The following KLF12 variants were observed in gnomAD, a reference collection of about 807,000 sequenced individuals.
KLF12 encodes Krueppel-like factor 12.
Under a neutral mutation model 37.8 loss-of-function variants are expected in KLF12, and 9 were observed. The observed-to-expected ratio is 0.24, with a 90% CI of 0.14 to 0.42. The LOEUF is 0.42. KLF12 is among the 10% of genes least tolerant of loss of function. The pLI is 1.00. For synonymous variants in KLF12, 208 were observed against 202.1 expected, an observed-to-expected ratio of 1.03 and a Z score of -0.25; for missense variants, 411 against 516.0, an observed-to-expected ratio of 0.80 and a Z score of 1.97.
chr13:73,803,742 GT>G (rs1306353255), intron 5 of KLF12, among the ~76,000 whole-genome samples: 1 of 149,428 alleles, frequency 6.7e-6, no homozygotes, highest in Non-Finnish European at 1.5e-5. Flanking sequence ...CATGTTATCT[GT>G]CCTCTGAGCA....
At chr13:73,706,103 G>T (rs1205451933) in intron 7 of KLF12, among the ~76,000 whole-genome samples, 1 of 152,176 alleles carries the variant, frequency 6.6e-6, no homozygotes, top group African/African-American at 2.4e-5. Flanking sequence ...AGTGAGCCGA[G>T]ATCGTGCCAC....
chr13:73,886,729 C>T (rs1455391147), intron 3 of KLF12, among the ~76,000 whole-genome samples: 1 of 152,148 alleles, frequency 6.6e-6, no homozygotes, highest in Non-Finnish European at 1.5e-5. Flanking sequence ...CGGTGGCTCA[C>T]GCCTGTAATC....
chr13:74,238,283 A>T, the KLF12 span, among the ~76,000 whole-genome samples: 1 of 128,326 alleles, frequency 7.8e-6, no homozygotes. Context: ...CATCCCAGGG[A>T]TGAAGCCCAC....
the KLF12 span, among the ~76,000 whole-genome samples, chr13:74,291,038 C>G: frequency 6.6e-6 from 1 of 152,144 alleles, no homozygotes; most frequent in Non-Finnish European, 1.5e-5. Context: ...TTTTTTGCCC[C>G]AGTGAGCAGA....
At chr13:73,981,743 T>A (rs144695967) in intron 2 of KLF12, among the ~76,000 whole-genome samples, 1,601 of 152,280 alleles carry the variant, frequency 0.011, 18 homozygotes, top group African/African-American at 0.035. Context: ...TAGGAGGTGA[T>A]TTACGAAGCT....
the KLF12 span, among the ~76,000 whole-genome samples, chr13:74,196,872 T>A: frequency 2.7e-4 from 41 of 152,268 alleles, no homozygotes; most frequent in African/African-American, 6.7e-4. Flanking sequence ...TTAAAAAAAA[T>A]TTATGTTTCT....
chr13:74,141,406 GAAATA>G, the KLF12 span, among the ~76,000 whole-genome samples: 1 of 152,122 alleles, frequency 6.6e-6, no homozygotes, highest in Non-Finnish European at 1.5e-5. Flanking sequence ...CAGAAACATG[GAAATA>G]AAATAAAATG....
the KLF12 span, among the ~76,000 whole-genome samples, chr13:74,286,839 C>G: frequency 2.6e-5 from 4 of 152,092 alleles, no homozygotes; most frequent in African/African-American, 9.7e-5. Flanking sequence ...ATTCAGTGTG[C>G]CTTCCATGAG....
chr13:73,763,843 C>T (rs1879726712), intron 6 of KLF12, among the ~76,000 whole-genome samples: 2 of 152,080 alleles, frequency 1.3e-5, no homozygotes, highest in Non-Finnish European at 2.9e-5. Context: ...AGGAAGGATG[C>T]CCCGGCTCTG....
At chr13:74,263,179 C>A in the KLF12 span, among the ~76,000 whole-genome samples, 1 of 152,148 alleles carries the variant, frequency 6.6e-6, no homozygotes, top group Non-Finnish European at 1.5e-5. Context: ...CTTCTCATGT[C>A]TAACTCTTAT....
At chr13:73,922,928 C>T (rs192417964) in intron 3 of KLF12, among the ~76,000 whole-genome samples, 140 of 152,272 alleles carry the variant, frequency 9.2e-4, no homozygotes, top group African/African-American at 3.3e-3. Context: ...TGGTACTCAG[C>T]CAGGCACAGC....
chr13:73,816,546 C>A (rs1056427406), intron 4 of KLF12, among the ~76,000 whole-genome samples: 10 of 152,168 alleles, frequency 6.6e-5, no homozygotes, highest in African/African-American at 2.4e-4. Context: ...CAGAACCCAA[C>A]ACCTGAAGTT....
intron 4 of KLF12, among the ~76,000 whole-genome samples, chr13:73,832,385 A>C (rs1479569712): frequency 6.6e-6 from 1 of 152,200 alleles, no homozygotes; most frequent in East Asian, 1.9e-4. Context: ...GGAGATTTAC[A>C]ACCTAGGCCT....
intron 2 of KLF12, among the ~76,000 whole-genome samples, chr13:73,968,777 A>T: frequency 6.6e-6 from 1 of 152,168 alleles, no homozygotes; most frequent in South Asian, 2.1e-4. Flanking sequence ...TATTACTATC[A>T]TCATCAGGAA....
rs753432392 is a variant in KLF12 at position 73,695,665 on chromosome 13, T to C, written c.1034A>G (p.Lys345Arg). The C allele has an allele frequency of 6.2e-7, 1 of 1,613,916 alleles. No homozygotes were observed. Among genetic ancestry groups the C allele is most frequent in the East Asian group, 2.2e-5 (1 of 44,864 alleles). ...GCCTTCCCAGGTACACTTGTAAGGT[T>C]TCTCTCCTGGAAGAAACAAAGGAAC... Residue 345 changes from lysine (K) to arginine (R), a missense_variant, in exon 8 of 8, where the codon AAA (lysine) becomes AGA (arginine). Physicochemically the swap from Lys to Arg is conservative, Grantham distance 26. Around this residue, in one of 2 missense-constraint regions of KLF12, gnomAD observed 60 missense variants for 118.2 expected, o/e 0.51. Coordinates refer to ENST00000377669, the MANE Select transcript of KLF12 (RefSeq NM_007249.5).
the KLF12 span, among the ~76,000 whole-genome samples, chr13:74,184,118 A>G: frequency 6.6e-6 from 1 of 152,172 alleles, no homozygotes; most frequent in African/African-American, 2.4e-5. Context: ...CAGAATCTAC[A>G]GTTCACATGA....
chr13:74,086,633 T>C (rs1875321802), intron 1 of KLF12, among the ~76,000 whole-genome samples: 1 of 152,036 alleles, frequency 6.6e-6, no homozygotes, highest in South Asian at 2.1e-4. Flanking sequence ...TCTTTGTATA[T>C]TCCAAAATAC....
chr13:74,160,739 A>G, the KLF12 span, among the ~76,000 whole-genome samples: 7 of 152,210 alleles, frequency 4.6e-5, no homozygotes, highest in Non-Finnish European at 8.8e-5. Context: ...AATGGGACAT[A>G]CTGCATGAGG....
intron 1 of KLF12, among the ~76,000 whole-genome samples, chr13:74,079,830 A>G (rs993277487): frequency 4.6e-5 from 7 of 152,206 alleles, no homozygotes; most frequent in African/African-American, 1.7e-4. Context: ...GCGGTTCCTC[A>G]AAAAGTTAAA....
Sources: gnomAD v4.1 joint callset for allele counts (sites outside exome capture counted in the v4.1 genomes callset) on GRCh38, gnomAD v4.1.1 for gene constraint, gnomAD v4.1.1 regional missense constraint, MANE v1.5 for transcripts, NCBI Gene and HGNC (gene_info 2026-07-23, HGNC 2026-07-21) for gene names.